The following SLC35F1 variants were observed in gnomAD, a reference collection of about 807,000 sequenced individuals.
The protein encoded by SLC35F1 is solute carrier family 35 member F1.
A neutral mutation model predicts 48.7 loss-of-function variants in SLC35F1; 14 were observed. The observed-to-expected ratio is 0.29, with a 90% CI of 0.19 to 0.45. The LOEUF is 0.45. SLC35F1 is among the 20% of genes least tolerant of loss of function. SLC35F1 has a pLI of 1.00. For missense variants in SLC35F1, 404 were observed against 500.0 expected (o/e 0.81, Z 1.83); for synonymous variants, 190 against 202.2 (o/e 0.94, Z 0.51).
intron 1 of SLC35F1, among the ~76,000 whole-genome samples, chr6:117,995,390 A>C (rs1034206499): frequency 6.6e-6 from 1 of 152,220 alleles, no homozygotes; most frequent in Non-Finnish European, 1.5e-5. Flanking sequence ...TATACCTGAC[A>C]CCTAGGACCA....
At chr6:118,194,102 C>A (rs1305078720) in intron 2 of SLC35F1, among the ~76,000 whole-genome samples, 1 of 151,900 alleles carries the variant, frequency 6.6e-6, no homozygotes, top group Non-Finnish European at 1.5e-5. Flanking sequence ...CACAGACAGA[C>A]AGAAGAAGAT....
chr6:118,198,697 T>G (rs1774833815), intron 2 of SLC35F1, among the ~76,000 whole-genome samples: 1 of 152,228 alleles, frequency 6.6e-6, no homozygotes, highest in Non-Finnish European at 1.5e-5. Flanking sequence ...TATATACCCA[T>G]ATGTCACATT....
At chr6:118,186,187 G>A (rs1333249815) in intron 2 of SLC35F1, among the ~76,000 whole-genome samples, 1 of 152,044 alleles carries the variant, frequency 6.6e-6, no homozygotes, top group Admixed American at 6.6e-5. Flanking sequence ...GCTGTATCTG[G>A]AGTCAACCTC....
intron 3 of SLC35F1, among the ~76,000 whole-genome samples, chr6:118,244,275 C>T (rs559224269): frequency 8.5e-5 from 13 of 152,346 alleles, no homozygotes; most frequent in African/African-American, 3.1e-4. Flanking sequence ...CCACAGAGTT[C>T]TTGGCTTGGC....
At chr6:118,099,418 G>T (rs1773224928) in intron 1 of SLC35F1, among the ~76,000 whole-genome samples, 1 of 152,038 alleles carries the variant, frequency 6.6e-6, no homozygotes, top group Admixed American at 6.6e-5. Flanking sequence ...CCAGGAGATG[G>T]TTTGCATTAA....
chr6:117,986,903 A>G (rs1582601811), intron 1 of SLC35F1, among the ~76,000 whole-genome samples: 1 of 152,064 alleles, frequency 6.6e-6, no homozygotes, highest in Non-Finnish European at 1.5e-5. Flanking sequence ...TCAGTTCCTT[A>G]TCTATCAGGT....
chr6:118,296,456 G>C (rs1453452784), intron 7 of SLC35F1, among the ~76,000 whole-genome samples: 2 of 152,110 alleles, frequency 1.3e-5, no homozygotes, highest in Non-Finnish European at 2.9e-5. Context: ...TGGGAAATGT[G>C]GTCAATCTAT....
intron 1 of SLC35F1, among the ~76,000 whole-genome samples, chr6:118,119,522 G>T (rs1812287): frequency 0.037 from 3,748 of 101,956 alleles, 149 homozygotes; most frequent in African/African-American, 0.1. Flanking sequence ...TTTTTTTTTT[G>T]AGACGGAGTT....
At chr6:118,313,968 A>G in intron 7 of SLC35F1, 60 bp from the exon 8 acceptor site, 2 of 1,504,822 alleles carry the variant, frequency 1.3e-6, no homozygotes, top group Non-Finnish European at 1.8e-6. Context: ...TGTGTGCCTC[A>G]TTAATGTGTC....
At chr6:118,167,166 T>A (rs1472211151) in intron 2 of SLC35F1, among the ~76,000 whole-genome samples, 1 of 152,112 alleles carries the variant, frequency 6.6e-6, no homozygotes, top group African/African-American at 2.4e-5. Context: ...TCCCTTCTCC[T>A]ACCCCCTCCA....
intron 1 of SLC35F1, among the ~76,000 whole-genome samples, chr6:118,141,685 C>T (rs1464153266): frequency 6.6e-6 from 1 of 152,158 alleles, no homozygotes; most frequent in Non-Finnish European, 1.5e-5. Context: ...ACCTAATCAG[C>T]ATCCAATGGC....
At chr6:118,271,716 A>G (rs1401916067) in intron 4 of SLC35F1, among the ~76,000 whole-genome samples, 1 of 152,220 alleles carries the variant, frequency 6.6e-6, no homozygotes, top group Admixed American at 6.5e-5. Flanking sequence ...CAAAAATCGG[A>G]TAAGGAAAGC....
At chr6:117,927,981 A>G (rs1436708742) in intron 1 of SLC35F1, among the ~76,000 whole-genome samples, 3 of 152,190 alleles carry the variant, frequency 2.0e-5, no homozygotes, top group Admixed American at 6.5e-5. Context: ...GAACTGTGTA[A>G]GCAGCTAATT....
chr6:117,923,621 A>ATG (rs1775939331), intron 1 of SLC35F1, among the ~76,000 whole-genome samples: 10 of 24,212 alleles, frequency 4.1e-4, no homozygotes, highest in African/African-American at 8.0e-4. Context: ...ATACATATGT[A>ATG]TATATACATA....
chr6:117,922,989 G>A (rs1205313997), intron 1 of SLC35F1, among the ~76,000 whole-genome samples: 1 of 152,146 alleles, frequency 6.6e-6, no homozygotes, highest in African/African-American at 2.4e-5. Context: ...TTTAAAATAT[G>A]TTCAGGACCC....
intron 1 of SLC35F1, among the ~76,000 whole-genome samples, chr6:118,076,230 A>G (rs1444176380): frequency 6.6e-6 from 1 of 152,154 alleles, no homozygotes; most frequent in Non-Finnish European, 1.5e-5. Context: ...ATCTGATGGT[A>G]TTTGATGCTT....
chr6:117,962,485 AAC>A (rs1004420869), intron 1 of SLC35F1, among the ~76,000 whole-genome samples: 17 of 152,162 alleles, frequency 1.1e-4, no homozygotes, highest in Non-Finnish European at 2.4e-4. Context: ...CACACACACA[AAC>A]ACACAAAAGA....
intron 1 of SLC35F1, among the ~76,000 whole-genome samples, chr6:118,125,711 T>C (rs191466996): frequency 3.4e-4 from 52 of 152,300 alleles, no homozygotes; most frequent in Admixed American, 3.2e-3. Context: ...AACATGTTTC[T>C]AAGATGAGGA....
intron 1 of SLC35F1, among the ~76,000 whole-genome samples, chr6:117,918,095 T>G (rs1196747936): frequency 6.6e-6 from 1 of 152,022 alleles, no homozygotes; most frequent in Non-Finnish European, 1.5e-5. Context: ...AACCACAGGG[T>G]CAGAGGAGTG....
Sources: gnomAD v4.1 joint callset for allele counts (sites outside exome capture counted in the v4.1 genomes callset) on GRCh38, gnomAD v4.1.1 for gene constraint, MANE v1.5 for transcripts, NCBI Gene and HGNC (gene_info 2026-07-23, HGNC 2026-07-21) for gene names.